AUTS2: variants seen among roughly 807,000 people sequenced by gnomAD.
AUTS2 encodes autism susceptibility gene 2 protein.
A neutral mutation model predicts 112.4 loss-of-function variants in AUTS2; 17 were observed. The observed-to-expected ratio is 0.15, with a 90% CI of 0.10 to 0.23. The LOEUF (loss-of-function observed/expected upper bound fraction) is 0.23. AUTS2 is among the 10% of genes least tolerant of loss of function. The pLI is 1.00. For synonymous variants in AUTS2, 751 were observed against 702.7 expected (o/e 1.07, Z -1.09); for missense variants, 1,510 against 1,701.6 (o/e 0.89, Z 1.98).
At chr7:70,735,025 T>C (rs1429776411) in intron 6 of AUTS2, among the ~76,000 whole-genome samples, 1 of 151,968 alleles carries the variant, frequency 6.6e-6, no homozygotes, top group Non-Finnish European at 1.5e-5. Context: ...AAAAGAAGTC[T>C]AGCTTCTCAT....
At position 69,897,430 on chromosome 7, in the gene AUTS2, C is replaced by T. The variant is rs147289932; in HGVS notation, c.310-1856C>T. On this transcript the variant is annotated intron_variant, in intron 1 of 18. Coordinates refer to ENST00000342771, the MANE Select transcript of AUTS2 (RefSeq NM_015570.4). ...AGAGCTTGTTTCTCATGGATGGTAC[C>T]TGTTCTCACATGGTAGAGGGGCAAA... 6.1e-3 allele frequency among the ~76,000 whole-genome samples: 928 copies of T among 152,162 alleles called. 6 individuals carry two copies. Among genetic ancestry groups the T allele is most frequent in the Non-Finnish European group, 9.1e-3 (617 of 67,998 alleles).
intron 5 of AUTS2, among the ~76,000 whole-genome samples, chr7:70,444,261 G>A (rs1158842522): frequency 2.0e-5 from 3 of 151,796 alleles, no homozygotes; most frequent in Non-Finnish European, 2.9e-5. Flanking sequence ...AGGCTCTTTG[G>A]TTGTCAGAGA....
chr7:70,559,970 G>A (rs1439206798), intron 5 of AUTS2, among the ~76,000 whole-genome samples: 3 of 152,156 alleles, frequency 2.0e-5, no homozygotes, highest in Non-Finnish European at 2.9e-5. Flanking sequence ...TAGAACAAAG[G>A]TCTTTCCCCT....
At chr7:70,764,470 G>A (rs979650112) in intron 7 of AUTS2, among the ~76,000 whole-genome samples, 2 of 152,140 alleles carry the variant, frequency 1.3e-5, no homozygotes, top group Non-Finnish European at 2.9e-5. Context: ...CCACAGGAGC[G>A]AGAGAGGCCC....
chr7:70,253,754 T>G (rs1284470516), intron 4 of AUTS2, among the ~76,000 whole-genome samples: 1 of 151,784 alleles, frequency 6.6e-6, no homozygotes, highest in Non-Finnish European at 1.5e-5. Flanking sequence ...CAGAAGAGAT[T>G]TTTTTTTTCT....
chr7:69,922,934 AGAAAT>A (rs1169347615), intron 2 of AUTS2, among the ~76,000 whole-genome samples: 1 of 152,228 alleles, frequency 6.6e-6, no homozygotes, highest in Admixed American at 6.5e-5. Flanking sequence ...TGTTCAAAAA[AGAAAT>A]GAAGTGAATT....
intron 4 of AUTS2, among the ~76,000 whole-genome samples, chr7:70,221,824 T>C (rs949337335): frequency 2.0e-5 from 3 of 152,168 alleles, no homozygotes; most frequent in Non-Finnish European, 4.4e-5. Context: ...GAGGCAGGGA[T>C]TGCAGTGAGC....
intron 6 of AUTS2, among the ~76,000 whole-genome samples, chr7:70,712,740 A>G (rs1337355781): frequency 1.3e-5 from 2 of 152,188 alleles, no homozygotes; most frequent in Non-Finnish European, 2.9e-5. Context: ...CACTGGGTGA[A>G]ATCATACTCT....
chr7:70,616,289 C>T (rs1012006732), intron 5 of AUTS2, among the ~76,000 whole-genome samples: 4 of 152,178 alleles, frequency 2.6e-5, no homozygotes, highest in African/African-American at 9.7e-5. Flanking sequence ...GAAGCATGCT[C>T]ACCAGCCCCA....
At chr7:70,674,620 C>T (rs1472703419) in intron 5 of AUTS2, among the ~76,000 whole-genome samples, 1 of 152,200 alleles carries the variant, frequency 6.6e-6, no homozygotes, top group Non-Finnish European at 1.5e-5. Flanking sequence ...GCCTTCTCCA[C>T]CTCCTCTGCC....
At chr7:70,445,428 C>G (rs1585153629) in intron 5 of AUTS2, among the ~76,000 whole-genome samples, 1 of 152,112 alleles carries the variant, frequency 6.6e-6, no homozygotes, top group African/African-American at 2.4e-5. Context: ...TCCACCCTCA[C>G]CCCCACCCAA....
intron 2 of AUTS2, among the ~76,000 whole-genome samples, chr7:69,968,888 A>G (rs1399485909): frequency 6.6e-6 from 1 of 151,962 alleles, no homozygotes; most frequent in African/African-American, 2.4e-5. Flanking sequence ...TGTGTTTTTA[A>G]GACAGCAAAA....
At chr7:70,141,205 G>A (rs1806844114) in intron 4 of AUTS2, among the ~76,000 whole-genome samples, 1 of 152,150 alleles carries the variant, frequency 6.6e-6, no homozygotes, top group African/African-American at 2.4e-5. Context: ...ACTGTATGAT[G>A]TCTCTGGAGA....
chr7:70,237,623 T>A (rs1406149851), intron 4 of AUTS2, among the ~76,000 whole-genome samples: 1 of 152,234 alleles, frequency 6.6e-6, no homozygotes, highest in Admixed American at 6.5e-5. Flanking sequence ...CCATAATGCA[T>A]GACAATTCAA....
At chr7:69,876,517 TATATATATATATATATATATATATATA>T in intron 1 of AUTS2, among the ~76,000 whole-genome samples, 2 of 75,260 alleles carry the variant, frequency 2.7e-5, no homozygotes, top group African/African-American at 7.0e-5. Context: ...TATATATATA[TATATATATATATATATATATATATATA>T]TTTTCAGTGT....
chr7:69,787,855 G>A (rs542930558), intron 1 of AUTS2, among the ~76,000 whole-genome samples: 6 of 77,846 alleles, frequency 7.7e-5, no homozygotes, highest in African/African-American at 2.1e-4. Flanking sequence ...GCTTACAGGC[G>A]TTGAGCCACT....
intron 1 of AUTS2, among the ~76,000 whole-genome samples, chr7:69,613,754 C>A (rs1408797431): frequency 6.6e-6 from 1 of 152,152 alleles, no homozygotes; most frequent in Non-Finnish European, 1.5e-5. Context: ...GAATCTATTT[C>A]ACAATAAAAG....
At chr7:70,524,794 G>A (rs1375735177) in intron 5 of AUTS2, among the ~76,000 whole-genome samples, 1 of 152,190 alleles carries the variant, frequency 6.6e-6, no homozygotes, top group African/African-American at 2.4e-5. Flanking sequence ...AACATCAATA[G>A]GAATTGTTCA....
intron 6 of AUTS2, among the ~76,000 whole-genome samples, chr7:70,707,532 A>T (rs2129548508): frequency 6.6e-6 from 1 of 152,154 alleles, no homozygotes; most frequent in South Asian, 2.1e-4. Flanking sequence ...AAAAATTCGG[A>T]TTGGGGGAAA....
Sources: gnomAD v4.1 joint callset for allele counts (sites outside exome capture counted in the v4.1 genomes callset) on GRCh38, gnomAD v4.1.1 for gene constraint, MANE v1.5 for transcripts, NCBI Gene and HGNC (gene_info 2026-07-23, HGNC 2026-07-21) for gene names.